The following SLC9A9 variants were observed in gnomAD, a reference collection of about 807,000 sequenced individuals.
SLC9A9 encodes the protein solute carrier family 9 member A9, also known as sodium/hydrogen exchanger 9.
SLC9A9 carries 62 observed loss-of-function variants against 77.8 expected under a neutral mutation model. That is an observed-to-expected ratio of 0.80 (90% CI 0.65 to 0.98). The LOEUF (loss-of-function observed/expected upper bound fraction) is 0.98, where lower values mean the gene tolerates loss of function less well. Among genes scored for constraint, SLC9A9 ranks in the 50% least tolerant of loss-of-function variants. The pLI, the probability that SLC9A9 is intolerant of heterozygous loss-of-function variation, is 0.00. For synonymous variants in SLC9A9, 320 were observed against 283.5 expected (o/e 1.13, Z -1.29); for missense variants, 775 against 774.9 (o/e 1.00, Z 0.00).
At chr3:143,836,901 C>T (rs1190698989) in intron 1 of SLC9A9, among the ~76,000 whole-genome samples, 1 of 152,110 alleles carries the variant, frequency 6.6e-6, no homozygotes, top group Non-Finnish European at 1.5e-5. Flanking sequence ...CTGCCAAATC[C>T]TGCCATCTTA....
intron 14 of SLC9A9, among the ~76,000 whole-genome samples, chr3:143,299,579 G>T (rs1212624064): frequency 6.6e-6 from 1 of 152,096 alleles, no homozygotes; most frequent in Non-Finnish European, 1.5e-5. Flanking sequence ...CAGTAGCTGG[G>T]ACTACAGGTG....
chr3:143,495,246 G>A, intron 10 of SLC9A9, 89 bp downstream of exon 10: 4 of 1,139,126 alleles, frequency 3.5e-6, no homozygotes, highest in Non-Finnish European at 5.3e-6. Context: ...CTTTAGGAAA[G>A]TGCTTTAATG....
chr3:143,618,148 G>A (rs2038138539), intron 6 of SLC9A9, among the ~76,000 whole-genome samples: 1 of 152,158 alleles, frequency 6.6e-6, no homozygotes, highest in Admixed American at 6.5e-5. Context: ...CTGGAACCGT[G>A]GGAGGAAAAG....
chr3:143,754,091 C>G (rs1560064145), intron 4 of SLC9A9, among the ~76,000 whole-genome samples: 1 of 152,166 alleles, frequency 6.6e-6, no homozygotes, highest in Non-Finnish European at 1.5e-5. Context: ...AGATCACCAT[C>G]TAAGAGACTC....
rs566754000 is a variant in SLC9A9 at position 143,615,294 on chromosome 3, A to G, written c.756-36571T>C. The stretch of plus-strand genomic sequence containing the variant: ...TTTCATGAGCCTTACAACAAAGCCT[A>G]TCCTTCCAAGAATAGTTCAAACTCA... On this transcript the variant is annotated intron_variant, in intron 6 of 15. Transcript: ENST00000316549. 2.6e-5 allele frequency among the ~76,000 whole-genome samples: 4 copies of G among 152,324 alleles called. No homozygotes were observed. In the South Asian group the frequency reaches 8.3e-4, roughly 32 times the overall value.
intron 9 of SLC9A9, among the ~76,000 whole-genome samples, chr3:143,543,379 C>CTTT (rs34447555): frequency 6.8e-6 from 1 of 146,974 alleles, no homozygotes. Flanking sequence ...ACTTGTCAAG[C>CTTT]TTTTTTTTTT....
chr3:143,570,315 T>C (rs1223555136), intron 8 of SLC9A9, among the ~76,000 whole-genome samples: 2 of 152,146 alleles, frequency 1.3e-5, no homozygotes, highest in Non-Finnish European at 2.9e-5. Flanking sequence ...AAATGGAACT[T>C]GATTATCAAA....
intron 13 of SLC9A9, among the ~76,000 whole-genome samples, chr3:143,372,773 A>G (rs1005231735): frequency 6.6e-6 from 1 of 152,206 alleles, no homozygotes; most frequent in African/African-American, 2.4e-5. Context: ...AATAACAAAT[A>G]ATCCCATCAA....
chr3:143,427,561 C>G (rs906060604), intron 12 of SLC9A9, among the ~76,000 whole-genome samples: 1 of 152,024 alleles, frequency 6.6e-6, no homozygotes, highest in African/African-American at 2.4e-5. Context: ...GCATTATATG[C>G]AATTTTTAAA....
chr3:143,372,511 A>G (rs183850371), intron 13 of SLC9A9, among the ~76,000 whole-genome samples: 284 of 152,306 alleles, frequency 1.9e-3, no homozygotes, highest in African/African-American at 6.6e-3. Context: ...TGAAACCATA[A>G]AAAGTCTAGA....
At chr3:143,443,595 A>G (rs901105260) in intron 12 of SLC9A9, among the ~76,000 whole-genome samples, 2 of 152,144 alleles carry the variant, frequency 1.3e-5, no homozygotes, top group African/African-American at 2.4e-5. Context: ...TTGAGTGTTG[A>G]CTAGCAATAG....
chr3:143,677,119 T>C (rs1304511116), intron 5 of SLC9A9, among the ~76,000 whole-genome samples: 2 of 152,160 alleles, frequency 1.3e-5, no homozygotes. Flanking sequence ...AATATTTTTA[T>C]CCAGCAAGTC....
intron 5 of SLC9A9, among the ~76,000 whole-genome samples, chr3:143,666,481 C>T (rs971145611): frequency 6.6e-6 from 1 of 152,072 alleles, no homozygotes; most frequent in African/African-American, 2.4e-5. Context: ...GACGTTCTGG[C>T]AAAGGCAATC....
chr3:143,450,051 A>ATATATGCATATATACC (rs1559922056), intron 12 of SLC9A9, among the ~76,000 whole-genome samples: 11 of 105,692 alleles, frequency 1.0e-4, no homozygotes, highest in African/African-American at 4.4e-4. Flanking sequence ...GTATATATAC[A>ATATATGCATATATACC]CACATATATA....
At chr3:143,461,895 C>T (rs2035200918) in intron 12 of SLC9A9, among the ~76,000 whole-genome samples, 2 of 152,144 alleles carry the variant, frequency 1.3e-5, no homozygotes, top group South Asian at 4.1e-4. Context: ...ATATTTAACT[C>T]TGCTATTATT....
chr3:143,280,955 GTTCCA>G (rs1239147080), intron 14 of SLC9A9, among the ~76,000 whole-genome samples: 2 of 152,172 alleles, frequency 1.3e-5, no homozygotes, highest in Non-Finnish European at 2.9e-5. Context: ...GATATATTCT[GTTCCA>G]TTCCATTTGT....
At chr3:143,345,331 A>G (rs2032229579) in intron 14 of SLC9A9, among the ~76,000 whole-genome samples, 1 of 152,132 alleles carries the variant, frequency 6.6e-6, no homozygotes, top group Non-Finnish European at 1.5e-5. Flanking sequence ...TGAACCTGAA[A>G]ATGGCCAGAA....
At chr3:143,710,054 A>T (rs1277212232) in intron 4 of SLC9A9, among the ~76,000 whole-genome samples, 1 of 152,236 alleles carries the variant, frequency 6.6e-6, no homozygotes, top group Non-Finnish European at 1.5e-5. Context: ...ATCCCAGCAG[A>T]AATTGCATAT....
chr3:143,323,313 A>G (rs549198436), intron 14 of SLC9A9, among the ~76,000 whole-genome samples: 1 of 152,236 alleles, frequency 6.6e-6, no homozygotes, highest in Non-Finnish European at 1.5e-5. Context: ...TACGGAATCA[A>G]CCTAAGTGTT....
Sources: gnomAD v4.1 joint callset for allele counts (sites outside exome capture counted in the v4.1 genomes callset) on GRCh38, gnomAD v4.1.1 for gene constraint, MANE v1.5 for transcripts, NCBI Gene and HGNC (gene_info 2026-07-23, HGNC 2026-07-21) for gene names.